LATS2: variants seen among roughly 807,000 people sequenced by gnomAD.
LATS2 encodes the protein serine/threonine-protein kinase LATS2.
LATS2 carries 24 observed loss-of-function variants against 76.0 expected under a neutral mutation model. The ratio of observed to expected loss-of-function variants is 0.32; its 90% CI spans 0.23 to 0.44. The LOEUF is 0.44. LATS2 is among the 20% of genes least tolerant of loss of function. LATS2 has a pLI of 1.00. For missense variants in LATS2, 1,286 were observed against 1,481.2 expected (o/e 0.87, Z 2.16); for synonymous variants, 692 against 635.4 (o/e 1.09, Z -1.34).
intron 1 of LATS2, among the ~76,000 whole-genome samples, chr13:21,058,503 T>A (rs763587367): frequency 6.6e-6 from 1 of 152,178 alleles, no homozygotes; most frequent in Non-Finnish European, 1.5e-5. Context: ...GGAATCTTAT[T>A]GTAAAATCAT....
chr13:21,037,787 A>C (rs1325444918), intron 2 of LATS2, among the ~76,000 whole-genome samples: 1 of 152,162 alleles, frequency 6.6e-6, no homozygotes, highest in African/African-American at 2.4e-5. Context: ...CCTGAGAGAC[A>C]GGCAGAGTGG....
intron 2 of LATS2, among the ~76,000 whole-genome samples, chr13:21,015,950 C>T (rs11840914): frequency 0.16 from 23,500 of 149,066 alleles, 2,908 homozygotes; most frequent in East Asian, 0.5. Flanking sequence ...TTGCCCACCT[C>T]GGCCTCCCAA....
chr13:20,999,134 G>A (rs1870913319), intron 2 of LATS2, among the ~76,000 whole-genome samples: 1 of 152,272 alleles, frequency 6.6e-6, no homozygotes, highest in African/African-American at 2.4e-5. Flanking sequence ...CTGGAAAACA[G>A]GTGGAGGACA....
At chr13:20,976,187 T>C (rs902373678) in intron 7 of LATS2, among the ~76,000 whole-genome samples, 1 of 152,204 alleles carries the variant, frequency 6.6e-6, no homozygotes, top group Non-Finnish European at 1.5e-5. Context: ...GACTTCTTTA[T>C]TGTTTACACT....
chr13:21,011,785 G>C (rs1871600571), intron 2 of LATS2, among the ~76,000 whole-genome samples: 1 of 152,226 alleles, frequency 6.6e-6, no homozygotes. Flanking sequence ...ATCATTAGGT[G>C]ATTTCGTTGT....
intron 2 of LATS2, among the ~76,000 whole-genome samples, chr13:21,036,790 AAC>A (rs869074298): frequency 1.5e-4 from 23 of 151,798 alleles, no homozygotes; most frequent in Non-Finnish European, 2.9e-5. Flanking sequence ...CAACAACAAC[AAC>A]AAAAAACAAC....
At position 20,991,609 on chromosome 13, in the gene LATS2, G is replaced by A. The variant is rs1255493458; in HGVS notation, c.343-205C>T. Among the ~76,000 whole-genome samples, 3 of 152,208 alleles carry A rather than the reference G, an allele frequency of 2.0e-5. No individual in the cohort carries two copies. The highest frequency in any genetic ancestry group is 7.2e-5 in the African/African-American group (3 of 41,446). ...ACCTGATGGCAAAAGCCTAGCACAA[G>A]CCACACCATAGACTATTTAGCCTTA... is the stretch of plus-strand genomic sequence containing the variant. On this transcript the variant is annotated intron_variant, in intron 2 of 7. Coordinates refer to ENST00000382592, the MANE Select transcript of LATS2 (RefSeq NM_014572.3). The surrounding 1 kb of genome is among the most constrained non-coding windows in gnomAD (Gnocchi z 4.9).
intron 2 of LATS2, among the ~76,000 whole-genome samples, chr13:21,041,193 C>T (rs575851864): frequency 8.2e-4 from 125 of 152,212 alleles, no homozygotes; most frequent in African/African-American, 2.7e-3. Context: ...AGGATGGTCT[C>T]GACCTCCTGA....
In LATS2 at chr13:20,974,695, G is replaced by GTT. The variant is rs1869508191; in HGVS notation, c.*173_*174dup. 1.5e-6 allele frequency: 1 copy of GTT among 649,130 alleles called. No homozygotes were observed. The highest frequency in any genetic ancestry group is 2.6e-6 in the Non-Finnish European group (1 of 388,516). The allele number at this position is 649,130 out of a possible 1,614,324, so 40.2% of individuals were successfully genotyped here. A position where few individuals can be genotyped will look rare whatever the true frequency, so the allele number is the denominator to read the frequency against. On this transcript the variant is annotated 3_prime_UTR_variant, in exon 8 of 8. Coordinates refer to ENST00000382592, the MANE Select transcript of LATS2 (RefSeq NM_014572.3). Reference sequence around the variant, plus strand: ...CCTATTGAAAGCGATGCTGAGTCCTGTTTTCAAAAGTGTCCTGTTTGGGTT... The same window carrying GTT: ...CCTATTGAAAGCGATGCTGAGTCCTGTTTTTTCAAAAGTGTCCTGTTTGGGTT...
At chr13:20,987,343 T>C (rs1157847050) in intron 4 of LATS2, among the ~76,000 whole-genome samples, 1 of 152,228 alleles carries the variant, frequency 6.6e-6, no homozygotes, top group African/African-American at 2.4e-5. Context: ...TTTAAATCTG[T>C]TACATTTTAA....
chr13:21,030,587 G>A (rs1872487467), intron 2 of LATS2, among the ~76,000 whole-genome samples: 1 of 86,248 alleles, frequency 1.2e-5, no homozygotes, highest in Admixed American at 1.8e-4. Flanking sequence ...GAGAGACTCC[G>A]TCTCAAAAAA....
At chr13:21,051,899 G>A (rs1595258942) in intron 1 of LATS2, among the ~76,000 whole-genome samples, 1 of 152,222 alleles carries the variant, frequency 6.6e-6, no homozygotes, top group Admixed American at 6.5e-5. Flanking sequence ...AGAGGCTGCA[G>A]TGAGTCAAGG....
At chr13:21,056,286 G>A (rs9552337) in intron 1 of LATS2, among the ~76,000 whole-genome samples, 9,813 of 151,826 alleles carry the variant, frequency 0.065, 933 homozygotes, top group East Asian at 0.42. Flanking sequence ...TGATCCCCCC[G>A]CCTCGGCCTC....
At chr13:21,009,272 C>G (rs1250766973) in intron 2 of LATS2, among the ~76,000 whole-genome samples, 2 of 152,218 alleles carry the variant, frequency 1.3e-5, no homozygotes, top group African/African-American at 4.8e-5. Context: ...AAGGCAGGAG[C>G]AAGCATGCTG....
At chr13:21,016,599 G>A (rs114294052) in intron 2 of LATS2, among the ~76,000 whole-genome samples, 2,065 of 152,064 alleles carry the variant, frequency 0.014, 53 homozygotes, top group African/African-American at 0.046. Context: ...CTTTAAAAAC[G>A]GCCAGAAAGC....
intron 2 of LATS2, among the ~76,000 whole-genome samples, chr13:21,030,892 T>C (rs1330184118): frequency 2.6e-5 from 4 of 152,156 alleles, no homozygotes; most frequent in African/African-American, 7.2e-5. Flanking sequence ...ATATTTCTTT[T>C]AATACAGGTC....
rs1869537640 is a variant in LATS2 at position 20,975,099 on chromosome 13, T to C, written c.3038A>G (p.Asp1013Gly). ...DPVDEESPWN[D>G]ASEGSTKAWD... ...GGCCTTGGTGCTACCTTCGCTGGCA[T>C]CGTTCCAAGGGCTTTCTTCATCTAC... Residue 1013 changes from aspartate (D) to glycine (G), a missense_variant, in exon 8 of 8, where the codon GAT becomes GGT. Coordinates refer to ENST00000382592, the MANE Select transcript of LATS2 (RefSeq NM_014572.3). The C allele has an allele frequency of 1.2e-6, 2 of 1,614,140 alleles. No individual in the cohort carries two copies. Among genetic ancestry groups the C allele is most frequent in the Non-Finnish European group, 1.7e-6 (2 of 1,180,058 alleles).
At chr13:21,030,807 T>A (rs539539184) in intron 2 of LATS2, among the ~76,000 whole-genome samples, 1 of 152,304 alleles carries the variant, frequency 6.6e-6, no homozygotes, top group East Asian at 1.9e-4. Flanking sequence ...CTTATTGATA[T>A]CTACTGTTTC....
chr13:21,026,734 T>G (rs181756742), intron 2 of LATS2, among the ~76,000 whole-genome samples: 1 of 152,288 alleles, frequency 6.6e-6, no homozygotes, highest in African/African-American at 2.4e-5. Flanking sequence ...GGCAAGAGGA[T>G]TGTTTGAGCC....
Sources: gnomAD v4.1 joint callset for allele counts (sites outside exome capture counted in the v4.1 genomes callset) on GRCh38, gnomAD v4.1.1 for gene constraint, Gnocchi (gnomAD v3.1) non-coding constraint, MANE v1.5 for transcripts, NCBI Gene and HGNC (gene_info 2026-07-23, HGNC 2026-07-21) for gene names.